Variants in CLEC4A observed in about 807,000 individuals in gnomAD.
The protein encoded by CLEC4A is C-type (calcium dependent, carbohydrate-recognition domain) lectin, superfamily member 6.
CLEC4A carries 27 observed loss-of-function variants against 32.7 expected under a neutral mutation model. The observed-to-expected ratio is 0.83, with a 90% CI of 0.61 to 1.14. The LOEUF (loss-of-function observed/expected upper bound fraction) is 1.14, where lower values mean the gene tolerates loss of function less well. Among genes scored for constraint, CLEC4A ranks in the 50% most tolerant of loss-of-function variants. The pLI is 0.00. For missense variants in CLEC4A, 253 were observed against 274.6 expected (o/e 0.92, Z 0.55); for synonymous variants, 89 against 93.7 (o/e 0.95, Z 0.29).
intron 5 of CLEC4A, 110 bp from the exon 6 acceptor site, chr12:8,138,030 A>G (rs1948155558): frequency 2.5e-6 from 3 of 1,194,798 alleles, no homozygotes; most frequent in African/African-American, 1.6e-5. Context: ...GGATTTGGGC[A>G]TATCTGACCC....
rs1296065380 is a variant in CLEC4A at position 8,130,188 on chromosome 12, AG to A, written c.298+827del. ...CTTTAATTTGTCTATGGAAAAAAAT[AG>A]AAGCTTAATTGTGAAAAAGGTTACA... On this transcript the variant is annotated intron_variant, in intron 3 of 5. Transcript: ENST00000229332. 3.3e-5 allele frequency among the ~76,000 whole-genome samples: 5 copies of A among 152,340 alleles called. No homozygotes were observed. The East Asian group carries it at 5.8e-4, about 18-fold the overall frequency.
chr12:8,127,129 G>A (rs766424037), intron 2 of CLEC4A, among the ~76,000 whole-genome samples: 2 of 152,226 alleles, frequency 1.3e-5, no homozygotes, highest in Non-Finnish European at 2.9e-5. Context: ...CCCAGTCCTG[G>A]CTGAACTCAC....
At chr12:8,127,854 A>G (rs1454230351) in intron 2 of CLEC4A, among the ~76,000 whole-genome samples, 1 of 152,208 alleles carries the variant, frequency 6.6e-6, no homozygotes, top group African/African-American at 2.4e-5. Flanking sequence ...AGTTTTTCAA[A>G]GAGGTAGACA....
the CLEC4A span, among the ~76,000 whole-genome samples, chr12:8,109,179 C>G: frequency 3.3e-5 from 5 of 152,158 alleles, no homozygotes; most frequent in Admixed American, 6.5e-5. Context: ...TTAGTCTGGT[C>G]TAAGCCTGTA....
chr12:8,134,988 T>TTTGTTTTTTTTTG, intron 3 of CLEC4A: 1 of 261,754 alleles, frequency 3.8e-6, no homozygotes, highest in African/African-American at 2.6e-5. Flanking sequence ...TGTTTTTTGT[T>TTTGTTTTTTTTTG]TTTTTTTAAT....
At chr12:8,103,373 GTTGTTTTTTTTTTTTTTT>G in the CLEC4A span, among the ~76,000 whole-genome samples, 15 of 78,024 alleles carry the variant, frequency 1.9e-4, 2 homozygotes, top group South Asian at 2.1e-3. Flanking sequence ...GTTTCTTTCT[GTTGTTTTTTTTTTTTTTT>G]TTTTTTTTTT....
In CLEC4A at chr12:8,134,191, G is replaced by C. The variant is rs537265234; in HGVS notation, c.299-1394G>C. 2.3e-3 allele frequency: 3,668 copies of C among 1,610,524 alleles called. 21 individuals are homozygous for C. Among genetic ancestry groups the C allele is most frequent in the Middle Eastern group, 0.017 (100 of 6,022 alleles). ...GGGCCTGCACGAGGGTTTCTGCTTT[G>C]CATATCTCCTGAAGATTTTCATTGT... On this transcript the variant is annotated intron_variant, in intron 3 of 5. Transcript: ENST00000229332.
At chr12:8,105,641 T>C in the CLEC4A span, among the ~76,000 whole-genome samples, 1 of 152,120 alleles carries the variant, frequency 6.6e-6, no homozygotes, top group Non-Finnish European at 1.5e-5. Context: ...TGAGCCACCG[T>C]GCCCGGCTGA....
chr12:8,128,488 G>T (rs1042945266), intron 2 of CLEC4A, among the ~76,000 whole-genome samples: 1 of 149,912 alleles, frequency 6.7e-6, no homozygotes, highest in Admixed American at 6.7e-5. Flanking sequence ...TCAGCTCACC[G>T]CAACCTCCGC....
chr12:8,119,816 C>G (rs1947815980), upstream of CLEC4A, among the ~76,000 whole-genome samples: 2 of 152,170 alleles, frequency 1.3e-5, no homozygotes, highest in African/African-American at 4.8e-5. Context: ...GCCATTACTT[C>G]AGATACCAGC....
At chr12:8,106,189 G>T in the CLEC4A span, among the ~76,000 whole-genome samples, 1 of 152,146 alleles carries the variant, frequency 6.6e-6, no homozygotes, top group African/African-American at 2.4e-5. Context: ...TCAAAGATAA[G>T]ATGGTTGTAG....
At chr12:8,113,188 T>C in the CLEC4A span, among the ~76,000 whole-genome samples, 12 of 144,094 alleles carry the variant, frequency 8.3e-5, no homozygotes, top group East Asian at 4.3e-4. Flanking sequence ...CATTGTTCAA[T>C]TCCCACCTGT....
intron 1 of CLEC4A, among the ~76,000 whole-genome samples, chr12:8,124,235 C>T (rs1388934192): frequency 6.6e-6 from 1 of 152,162 alleles, no homozygotes; most frequent in Admixed American, 6.5e-5. Context: ...TGAGCTAAGG[C>T]GAGTGCTCTG....
At chr12:8,125,434 T>A in intron 1 of CLEC4A, 127 bp from the exon 2 acceptor site, 1 of 615,418 alleles carries the variant, frequency 1.6e-6, no homozygotes, top group Non-Finnish European at 2.9e-6. Flanking sequence ...TATTCTCATG[T>A]GATTTCAAAT....
the CLEC4A span, among the ~76,000 whole-genome samples, chr12:8,104,385 G>A: frequency 6.6e-6 from 1 of 152,068 alleles, no homozygotes; most frequent in Admixed American, 6.5e-5. Context: ...TTTATGCCTT[G>A]CAAATAAATT....
the CLEC4A span, among the ~76,000 whole-genome samples, chr12:8,111,963 G>GTGTGTATATATA: frequency 8.4e-5 from 12 of 142,704 alleles, no homozygotes; most frequent in African/African-American, 3.0e-4. Context: ...GTGTGTGTGT[G>GTGTGTATATATA]TATTTTATTT....
At chr12:8,135,894 A>G (rs1948108316) in intron 4 of CLEC4A, among the ~76,000 whole-genome samples, 158 bp downstream of exon 4, 1 of 152,124 alleles carries the variant, frequency 6.6e-6, no homozygotes, top group Non-Finnish European at 1.5e-5. Flanking sequence ...TATATTCCAT[A>G]CCTCCTTCCT....
chr12:8,119,174 A>G (rs1947812215), upstream of CLEC4A, among the ~76,000 whole-genome samples: 1 of 152,220 alleles, frequency 6.6e-6, no homozygotes, highest in African/African-American at 2.4e-5. Flanking sequence ...GCCTTGCTGC[A>G]AAAATGGTCT....
the CLEC4A span, among the ~76,000 whole-genome samples, chr12:8,111,923 ATGTGTGTGTGTGTGTG>A: frequency 9.0e-6 from 1 of 110,996 alleles, no homozygotes; most frequent in Non-Finnish European, 1.9e-5. Flanking sequence ...GAGTGTGTAT[ATGTGTGTGTGTGTGTG>A]TGTGTGTGTG....
Sources: allele counts gnomAD v4.1 joint callset (sites outside exome capture counted in the v4.1 genomes callset), GRCh38; gene constraint gnomAD v4.1.1; transcripts MANE v1.5; gene names NCBI Gene and HGNC (gene_info 2026-07-23, HGNC 2026-07-21).